CACNG2: variants seen among roughly 807,000 people sequenced by gnomAD.
CACNG2 encodes the protein calcium voltage-gated channel auxiliary subunit gamma 2.
In CACNG2, 3 loss-of-function variants were observed where a neutral mutation model predicts 25.9. The ratio of observed to expected loss-of-function variants is 0.12; its 90% CI spans 0.05 to 0.30. The LOEUF (loss-of-function observed/expected upper bound fraction) is 0.30, where lower values mean the gene tolerates loss of function less well. CACNG2 is among the 10% of genes least tolerant of loss of function. The probability of loss-of-function intolerance (pLI) is 1.00; values close to 1 mark genes in which losing one functional copy is unlikely to be tolerated. For missense variants in CACNG2, 341 were observed against 432.5 expected (o/e 0.79, Z 1.88); for synonymous variants, 167 against 173.3 (o/e 0.96, Z 0.29).
At chr22:36,700,620 A>G (rs1193385097) in intron 1 of CACNG2, among the ~76,000 whole-genome samples, 5 of 152,202 alleles carry the variant, frequency 3.3e-5, no homozygotes. Flanking sequence ...TCTGTCATAA[A>G]TGTTTAATTA....
intron 1 of CACNG2, among the ~76,000 whole-genome samples, chr22:36,657,325 G>A (rs1275733743): frequency 6.6e-6 from 1 of 152,196 alleles, no homozygotes; most frequent in Non-Finnish European, 1.5e-5. Context: ...TTCCACAATG[G>A]ATAGAAACCA....
chr22:36,665,532 G>T (rs953554351), intron 1 of CACNG2, among the ~76,000 whole-genome samples: 1 of 152,088 alleles, frequency 6.6e-6, no homozygotes, highest in East Asian at 1.9e-4. Context: ...CCAACAACTC[G>T]ACTCAAAAAT....
At chr22:36,678,386 A>G (rs1937043772) in intron 1 of CACNG2, among the ~76,000 whole-genome samples, 1 of 152,076 alleles carries the variant, frequency 6.6e-6, no homozygotes, top group African/African-American at 2.4e-5. Flanking sequence ...CCCAGGGTGA[A>G]TCAAAGCAGC....
chr22:36,602,847 G>A (rs554081141), intron 1 of CACNG2, among the ~76,000 whole-genome samples: 2 of 152,278 alleles, frequency 1.3e-5, no homozygotes, highest in African/African-American at 2.4e-5. Context: ...AGTTGGCCAT[G>A]TCCCTGTTTC....
At chr22:36,601,975 C>T (rs955701609) in intron 1 of CACNG2, among the ~76,000 whole-genome samples, 2 of 152,096 alleles carry the variant, frequency 1.3e-5, no homozygotes, top group South Asian at 2.1e-4. Context: ...ACACCCTCGC[C>T]GACACTCGTT....
chr22:36,592,047 G>GTT (rs1408259092), intron 1 of CACNG2, among the ~76,000 whole-genome samples: 2 of 152,090 alleles, frequency 1.3e-5, no homozygotes, highest in African/African-American at 4.8e-5. Flanking sequence ...AGATTCTGTG[G>GTT]TTTTCTCTGG....
At chr22:36,693,680 A>AT (rs986420967) in intron 1 of CACNG2, among the ~76,000 whole-genome samples, 1 of 151,846 alleles carries the variant, frequency 6.6e-6, no homozygotes, top group African/African-American at 2.4e-5. Context: ...TCTACCTTCC[A>AT]TGGGACCATT....
intron 1 of CACNG2, among the ~76,000 whole-genome samples, chr22:36,620,731 T>C (rs958557532): frequency 3.9e-5 from 6 of 152,258 alleles, no homozygotes; most frequent in Non-Finnish European, 7.3e-5. Context: ...CATTAAATGC[T>C]GACCACGGGG....
intron 1 of CACNG2, among the ~76,000 whole-genome samples, chr22:36,642,053 A>C (rs1261683790): frequency 6.6e-6 from 1 of 152,138 alleles, no homozygotes; most frequent in Non-Finnish European, 1.5e-5. Context: ...CCCTGCTGAG[A>C]GAGAGAAGAG....
intron 1 of CACNG2, among the ~76,000 whole-genome samples, chr22:36,692,161 T>C (rs907273998): frequency 3.3e-5 from 5 of 152,148 alleles, no homozygotes; most frequent in African/African-American, 7.2e-5. Context: ...CACTGGGGCA[T>C]TGAAGTTGCA....
At chr22:36,575,769 G>A (rs1935302839) in intron 2 of CACNG2, among the ~76,000 whole-genome samples, 1 of 152,180 alleles carries the variant, frequency 6.6e-6, no homozygotes, top group Admixed American at 6.5e-5. Flanking sequence ...TGTTCCCTGT[G>A]CGAGTAATGA....
intron 1 of CACNG2, among the ~76,000 whole-genome samples, chr22:36,636,961 C>T (rs1206466703): frequency 6.6e-6 from 1 of 152,186 alleles, no homozygotes. Context: ...CTCCAGAGGA[C>T]TTGTGTTATT....
chr22:36,661,928 T>G (rs1936802377), intron 1 of CACNG2, among the ~76,000 whole-genome samples: 1 of 151,608 alleles, frequency 6.6e-6, no homozygotes, highest in Non-Finnish European at 1.5e-5. Flanking sequence ...GCTGGTGTGT[T>G]GATAACAGGT....
At chr22:36,603,720 T>A (rs1384324132) in intron 1 of CACNG2, among the ~76,000 whole-genome samples, 2 of 152,192 alleles carry the variant, frequency 1.3e-5, no homozygotes, top group Non-Finnish European at 2.9e-5. Flanking sequence ...ATGCAGCATA[T>A]CTATTTATGG....
chr22:36,688,126 T>C (rs1398201971), intron 1 of CACNG2, among the ~76,000 whole-genome samples: 1 of 151,964 alleles, frequency 6.6e-6, no homozygotes, highest in East Asian at 1.9e-4. Flanking sequence ...CCAGGGAAGG[T>C]GACAGACACA....
intron 1 of CACNG2, among the ~76,000 whole-genome samples, chr22:36,658,673 A>G (rs1479607052): frequency 6.6e-6 from 1 of 152,198 alleles, no homozygotes; most frequent in Non-Finnish European, 1.5e-5. Flanking sequence ...GGTACACTGC[A>G]GGGACCAAAG....
At chr22:36,570,351 G>A (rs1411360786) in intron 2 of CACNG2, among the ~76,000 whole-genome samples, 2 of 152,330 alleles carry the variant, frequency 1.3e-5, no homozygotes, top group East Asian at 1.9e-4. Context: ...CCAAGGCAGC[G>A]TATGACATGC....
chr22:36,690,321 C>T (rs879413174), intron 1 of CACNG2, among the ~76,000 whole-genome samples: 6 of 152,018 alleles, frequency 3.9e-5, no homozygotes, highest in South Asian at 2.1e-4. Flanking sequence ...CTGATGGCTG[C>T]CAAGCAGGGA....
In CACNG2 at chr22:36,606,745, G is replaced by A. The variant is rs1935838880; in HGVS notation, c.212-19197C>T. Among the ~76,000 whole-genome samples, 1 of 149,736 alleles carries A rather than the reference G, an allele frequency of 6.7e-6. No homozygotes were observed. The highest frequency in any genetic ancestry group is 6.7e-5 in the Admixed American group (1 of 14,954). ...GTCATTTAGAGGACGGAAACCAGAC[G>A]GTTGGGCTGTGCGTGTGTGTGTGTG... On this transcript the variant is annotated intron_variant, in intron 1 of 3. Transcript: ENST00000300105. The surrounding 1 kb of genome is among the most constrained non-coding windows in gnomAD (Gnocchi z 5.7).
Sources: gnomAD v4.1 joint callset for allele counts (sites outside exome capture counted in the v4.1 genomes callset) on GRCh38, gnomAD v4.1.1 for gene constraint, Gnocchi (gnomAD v3.1) non-coding constraint, MANE v1.5 for transcripts, NCBI Gene and HGNC (gene_info 2026-07-23, HGNC 2026-07-21) for gene names.